The following SPOCK1 variants were observed in gnomAD, a reference collection of about 807,000 sequenced individuals.
SPOCK1 encodes the protein testican-1.
SPOCK1 carries 23 observed loss-of-function variants against 55.3 expected under a neutral mutation model. That is an observed-to-expected ratio of 0.42 (90% confidence interval 0.30 to 0.59). The LOEUF (loss-of-function observed/expected upper bound fraction) is 0.59, where lower values mean the gene tolerates loss of function less well. Among genes scored for constraint, SPOCK1 ranks in the 20% least tolerant of loss-of-function variants. The pLI is 0.22. For synonymous variants in SPOCK1, 226 were observed against 221.0 expected, an observed-to-expected ratio of 1.02 and a Z score of -0.20; for missense variants, 499 against 552.5, an observed-to-expected ratio of 0.90 and a Z score of 0.97.
chr5:137,309,483 C>T (rs966922256), intron 2 of SPOCK1, among the ~76,000 whole-genome samples: 15 of 152,200 alleles, frequency 9.9e-5, no homozygotes, highest in Non-Finnish European at 2.2e-4. Context: ...TGAAGCCTTG[C>T]CCACTTTCTC....
intron 3 of SPOCK1, among the ~76,000 whole-genome samples, chr5:137,160,571 T>TTATATATAATATATAATATATTA (rs1554100830): frequency 3.7e-5 from 2 of 53,868 alleles, no homozygotes; most frequent in African/African-American, 1.5e-4. Flanking sequence ...ATATTATATA[T>TTATATATAATATATAATATATTA]TATATAATAT....
chr5:137,393,155 G>A (rs1019202019), intron 2 of SPOCK1, among the ~76,000 whole-genome samples: 1 of 152,212 alleles, frequency 6.6e-6, no homozygotes, highest in African/African-American at 2.4e-5. Flanking sequence ...GTATATTACA[G>A]TAGATCAATT....
intron 8 of SPOCK1, 130 bp downstream of exon 8, chr5:136,988,292 G>T: frequency 1.5e-6 from 1 of 682,440 alleles, no homozygotes. Context: ...CTTTGGGCCT[G>T]GCATTAAATG....
At chr5:137,071,552 T>C (rs535768538) in intron 5 of SPOCK1, among the ~76,000 whole-genome samples, 1 of 152,286 alleles carries the variant, frequency 6.6e-6, no homozygotes, top group East Asian at 1.9e-4. Context: ...ACAACTTCTA[T>C]AAATAATATA....
chr5:137,282,114 C>T (rs903795793), intron 2 of SPOCK1, among the ~76,000 whole-genome samples: 1 of 152,192 alleles, frequency 6.6e-6, no homozygotes, highest in Admixed American at 6.5e-5. Context: ...ATGCCAAACA[C>T]CCAGCGCATA....
intron 3 of SPOCK1, among the ~76,000 whole-genome samples, chr5:137,223,021 G>A (rs567794750): frequency 1.3e-5 from 2 of 152,086 alleles, no homozygotes; most frequent in Non-Finnish European, 1.5e-5. Context: ...GTTGAGACAC[G>A]CTGATCTAGA....
chr5:137,175,880 C>A (rs931308129), intron 3 of SPOCK1, among the ~76,000 whole-genome samples: 1 of 152,084 alleles, frequency 6.6e-6, no homozygotes, highest in Non-Finnish European at 1.5e-5. Context: ...TTATGGCAAG[C>A]AACAGGCAGC....
intron 2 of SPOCK1, among the ~76,000 whole-genome samples, chr5:137,370,696 A>G (rs1751180973): frequency 6.6e-6 from 1 of 152,208 alleles, no homozygotes; most frequent in Admixed American, 6.5e-5. Flanking sequence ...GAAAAAGAAG[A>G]TCCTTTTCTG....
intron 2 of SPOCK1, among the ~76,000 whole-genome samples, chr5:137,317,863 G>T (rs542447836): frequency 2.6e-5 from 4 of 152,084 alleles, no homozygotes. Context: ...TCCAAGATCC[G>T]CATAGCTATC....
intron 2 of SPOCK1, among the ~76,000 whole-genome samples, chr5:137,465,096 G>A (rs979516971): frequency 2.6e-5 from 4 of 152,162 alleles, no homozygotes; most frequent in African/African-American, 9.7e-5. Flanking sequence ...CAGGATTCAC[G>A]ACTGAATGAG....
At chr5:137,326,031 A>G (rs1260240214) in intron 2 of SPOCK1, among the ~76,000 whole-genome samples, 1 of 152,130 alleles carries the variant, frequency 6.6e-6, no homozygotes, top group Admixed American at 6.5e-5. Flanking sequence ...ATTTCCCTAC[A>G]TTTTTACCAG....
At position 137,165,765 on chromosome 5, in the gene SPOCK1, T is replaced by C. The variant is rs145518832; in HGVS notation, c.233-25071A>G. Among the ~76,000 whole-genome samples, 316 of 152,254 alleles carry C rather than the reference T, an allele frequency of 2.1e-3. 1 individual carries two copies. The highest frequency in any genetic ancestry group is 6.8e-3 in the Middle Eastern group (2 of 294). ...GGAATTCTGACTTGAAAAACGCAAT[T>C]GGCATACTAAAGAATGCATCAGAGT... On this transcript the variant is annotated intron_variant, in intron 3 of 10. Coordinates refer to ENST00000394945, the MANE Select transcript of SPOCK1 (RefSeq NM_004598.4).
At chr5:137,095,035 C>A (rs1753117933) in intron 5 of SPOCK1, among the ~76,000 whole-genome samples, 1 of 152,058 alleles carries the variant, frequency 6.6e-6, no homozygotes, top group Admixed American at 6.5e-5. Context: ...AACAGGGATG[C>A]CCATGGAGAG....
intron 2 of SPOCK1, among the ~76,000 whole-genome samples, chr5:137,491,946 A>G (rs925452205): frequency 5.3e-5 from 8 of 152,244 alleles, no homozygotes; most frequent in African/African-American, 1.9e-4. Flanking sequence ...AATAAAAAGA[A>G]TAGCCTCCAC....
intron 5 of SPOCK1, among the ~76,000 whole-genome samples, chr5:137,111,774 T>A (rs1487819068): frequency 1.3e-5 from 2 of 152,182 alleles, no homozygotes; most frequent in Admixed American, 6.5e-5. Context: ...CTTTTCCTCA[T>A]CTTTCCAATA....
chr5:137,152,172 A>G (rs923172893), intron 3 of SPOCK1, among the ~76,000 whole-genome samples: 1 of 152,252 alleles, frequency 6.6e-6, no homozygotes, highest in African/African-American at 2.4e-5. Flanking sequence ...TAAGTGCCGT[A>G]TAACTTAAGT....
chr5:137,255,992 C>T (rs1756623352), intron 3 of SPOCK1, among the ~76,000 whole-genome samples: 1 of 152,224 alleles, frequency 6.6e-6, no homozygotes, highest in Admixed American at 6.5e-5. Flanking sequence ...CTAAGCGGTT[C>T]CTCCTGGCCA....
chr5:137,439,458 T>A (rs549635107), intron 2 of SPOCK1, among the ~76,000 whole-genome samples: 1 of 152,316 alleles, frequency 6.6e-6, no homozygotes, highest in South Asian at 2.1e-4. Context: ...ATTAATAGAT[T>A]CCTCCAGAGG....
At chr5:137,021,635 GTA>G (rs1194536126) in intron 6 of SPOCK1, among the ~76,000 whole-genome samples, 2 of 152,150 alleles carry the variant, frequency 1.3e-5, no homozygotes, top group Non-Finnish European at 2.9e-5. Context: ...GAGCCTAACT[GTA>G]TTCACAATAA....
Sources: gnomAD v4.1 joint callset for allele counts (sites outside exome capture counted in the v4.1 genomes callset) on GRCh38, gnomAD v4.1.1 for gene constraint, MANE v1.5 for transcripts, NCBI Gene and HGNC (gene_info 2026-07-23, HGNC 2026-07-21) for gene names.